The following POFUT2 variants were observed in gnomAD, a reference collection of about 807,000 sequenced individuals.
POFUT2 encodes protein O-fucosyltransferase 2, also known as GDP-fucose protein O-fucosyltransferase 2.
A neutral mutation model predicts 55.0 loss-of-function variants in POFUT2; 30 were observed. The ratio of observed to expected loss-of-function variants is 0.55; its 90% CI spans 0.41 to 0.74. The LOEUF (loss-of-function observed/expected upper bound fraction) is 0.74. Among genes scored for constraint, POFUT2 ranks in the 30% least tolerant of loss-of-function variants. The pLI is 0.00. For synonymous variants in POFUT2, 267 were observed against 231.1 expected, an observed-to-expected ratio of 1.16 and a Z score of -1.41; for missense variants, 524 against 562.6, an observed-to-expected ratio of 0.93 and a Z score of 0.69.
At chr21:45,274,789 G>C in intron 6 of POFUT2, among the ~76,000 whole-genome samples, 1 of 152,008 alleles carries the variant, frequency 6.6e-6, no homozygotes, top group Non-Finnish European at 1.5e-5. Flanking sequence ...ATCAACTCAA[G>C]GTGGATTAAA....
intron 6 of POFUT2, among the ~76,000 whole-genome samples, chr21:45,273,876 T>C (rs957027276): frequency 1.3e-4 from 20 of 152,140 alleles, no homozygotes; most frequent in African/African-American, 4.8e-4. Flanking sequence ...GGGGGAAAAG[T>C]TGAAAGCATT....
Position 45,270,896 on chromosome 21 carries a change from A to G in POFUT2, c.832-877T>C, listed in dbSNP as rs2093213772. Among the ~76,000 whole-genome samples the G allele has an allele frequency of 6.6e-6, 1 of 152,256 alleles. No individual in the cohort carries two copies. The highest frequency in any genetic ancestry group is 2.4e-5 in the African/African-American group (1 of 41,468). On this transcript the variant is annotated intron_variant, in intron 6 of 8. Coordinates refer to ENST00000349485, the MANE Select transcript of POFUT2 (RefSeq NM_133635.6). The surrounding 1 kb of genome is among the most constrained non-coding windows in gnomAD (Gnocchi z 4.6). ...CGTGGGATAAAAGAATCTGAACAGTAGCCCGTGAGTTCCAGATCTTTCCAC... is the reference window on the plus strand; with the variant it reads ...CGTGGGATAAAAGAATCTGAACAGTGGCCCGTGAGTTCCAGATCTTTCCAC...
Position 45,265,873 on chromosome 21 carries a change from C to A in POFUT2, c.1137-238G>T. On this transcript the variant is annotated intron_variant, in intron 8 of 8. Transcript: ENST00000349485. This position sits in a 1 kb window ranked among gnomAD's most constrained non-coding sequence, Gnocchi z 4.6. ...CCTGGTGCTGCAGCCCCATCCACAC[C>A]CCACAGTCAGCAGCCGCCACGCTCC... The A allele has an allele frequency of 7.3e-7, 1 of 1,366,798 alleles. No individual in the cohort carries two copies. Among genetic ancestry groups the A allele is most frequent in the South Asian group, 1.5e-5 (1 of 65,764 alleles). The allele number at this position is 1,366,798 out of a possible 1,614,324, so 84.7% of individuals were successfully genotyped here.
In POFUT2 at chr21:45,285,363, A is replaced by G. The variant is rs1455030023; in HGVS notation, c.382+315T>C. On this transcript the variant is annotated intron_variant, in intron 2 of 8. Transcript: ENST00000349485. This position sits in a 1 kb window ranked among gnomAD's most constrained non-coding sequence, Gnocchi z 4.9. ...AAACAGCCTTTCGCACAGGGAGCCG[A>G]GTCCTGTCACTATAACACCCAGGGG... is the stretch of plus-strand genomic sequence containing the variant. The G allele has an allele frequency of 2.6e-6, 1 of 391,854 alleles. No homozygotes were observed. The highest frequency in any genetic ancestry group is 4.9e-6 in the Non-Finnish European group (1 of 204,226). The allele number at this position is 391,854 out of a possible 1,614,324, so 24.3% of individuals were successfully genotyped here. A position where few individuals can be genotyped will look rare whatever the true frequency, so the allele number is the denominator to read the frequency against.
chr21:45,272,126 A>G (rs1029566258), intron 6 of POFUT2, among the ~76,000 whole-genome samples: 4 of 152,212 alleles, frequency 2.6e-5, no homozygotes, highest in South Asian at 4.1e-4. Flanking sequence ...ATGGAAAAAA[A>G]TCCACCTGAA....
chr21:45,278,632 C>T (rs746821190), intron 4 of POFUT2, among the ~76,000 whole-genome samples: 57 of 152,222 alleles, frequency 3.7e-4, no homozygotes, highest in Non-Finnish European at 7.8e-4. Flanking sequence ...GTAGAGACGC[C>T]ATTCCTGGGC....
At position 45,267,403 on chromosome 21, in the gene POFUT2, C is replaced by A. The variant is rs1297190852; in HGVS notation, c.1136+187G>T. On this transcript the variant is annotated intron_variant, in intron 8 of 8. Transcript: ENST00000349485. This position sits in a 1 kb window ranked among gnomAD's most constrained non-coding sequence, Gnocchi z 4.4. ...ATGAGAACTAAAGGGGCAAGATGAA[C>A]AATTAACTTCAGCCCAGGGAAACAC... 7 of 1,604,628 alleles carry A rather than the reference C, an allele frequency of 4.4e-6. No individual in the cohort carries two copies. The highest frequency in any genetic ancestry group is 5.1e-6 in the Non-Finnish European group (6 of 1,173,918).
In POFUT2 at chr21:45,265,591, T is replaced by C; in HGVS notation, c.1181A>G (p.His394Arg). The C allele has an allele frequency of 2.5e-6, 4 of 1,613,972 alleles. No individual in the cohort carries two copies. The highest frequency in any genetic ancestry group is 2.5e-6 in the Non-Finnish European group (3 of 1,179,974). ...TSVSTFSFRI[H>R]EEREILGLDP... ...CAACCCCAGGATTTCTCTTTCCTCA[T>C]GAATCCGAAAAGAAAATGTTGAGAC... Residue 394 changes from histidine to arginine, a missense_variant, in exon 9 of 9, where the codon CAT (histidine) becomes CGT (arginine). By Grantham distance (29) the His-to-Arg change is conservative. Coordinates refer to ENST00000349485, the MANE Select transcript of POFUT2 (RefSeq NM_133635.6). This position sits in a 1 kb window ranked among gnomAD's most constrained non-coding sequence, Gnocchi z 4.6.
chr21:45,266,247 CCA>C (rs1173778633), intron 8 of POFUT2: 6 of 1,367,582 alleles, frequency 4.4e-6, no homozygotes, highest in Non-Finnish European at 4.9e-6. Context: ...CAAGCAAACC[CCA>C]GAGATGTTTC....
At chr21:45,287,676 C>CCAACCAAACAA in intron 1 of POFUT2, 65 bp downstream of exon 1, 9 of 1,181,500 alleles carry the variant, frequency 7.6e-6, no homozygotes, top group Non-Finnish European at 1.0e-5. Flanking sequence ...GCCCCGCCCC[C>CCAACCAAACAA]ATCCCATCCT....
intron 4 of POFUT2, among the ~76,000 whole-genome samples, chr21:45,280,408 C>T (rs1417118102): frequency 2.0e-5 from 3 of 152,252 alleles, no homozygotes; most frequent in South Asian, 2.1e-4. Context: ...GAGGGGTGCA[C>T]GTGTTTTCCT....
chr21:45,278,535 C>CT (rs1425391270), intron 4 of POFUT2, among the ~76,000 whole-genome samples: 12 of 152,268 alleles, frequency 7.9e-5, no homozygotes, highest in Admixed American at 2.0e-4. Flanking sequence ...GGAAGGTTTT[C>CT]TTTGACAAAA....
chr21:45,277,309 C>G lies in POFUT2; in HGVS notation c.706-167G>C, dbSNP rs1398320999. On this transcript the variant is annotated intron_variant, in intron 5 of 8. Transcript: ENST00000349485. The surrounding 1 kb of genome is among the most constrained non-coding windows in gnomAD (Gnocchi z 6.9). ...AGCAGCGCCATCCACGGTGGAGGCT[C>G]TTGGAGGGTCTCCTGCATGAAGCCA... The G allele has an allele frequency of 1.5e-5, 13 of 865,946 alleles. No individual in the cohort carries two copies. The highest frequency in any genetic ancestry group is 1.7e-5 in the Non-Finnish European group (10 of 584,038). The allele number at this position is 865,946 out of a possible 1,614,324, so 53.6% of individuals were successfully genotyped here.
intron 8 of POFUT2, chr21:45,266,627 G>A (rs1220335946): frequency 1.9e-5 from 19 of 1,010,464 alleles, no homozygotes; most frequent in East Asian, 9.8e-5. Context: ...AGAAGTCAGC[G>A]CTGCATCCTG....
chr21:45,275,507 A>G (rs555045069), intron 6 of POFUT2, among the ~76,000 whole-genome samples: 2 of 152,378 alleles, frequency 1.3e-5, no homozygotes, highest in South Asian at 2.1e-4. Flanking sequence ...CTGCAAAAAC[A>G]TGGAACCGGC....
chr21:45,277,464 C>T lies in POFUT2; in HGVS notation c.706-322G>A. On this transcript the variant is annotated intron_variant, in intron 5 of 8. Transcript: ENST00000349485. The surrounding 1 kb of genome is among the most constrained non-coding windows in gnomAD (Gnocchi z 6.9). ...GTGTGCAGCTCCTTCCCCTCAGTCT[C>T]TCCCCAACTCGACTTCTAGCTTAGG... The T allele has an allele frequency of 2.8e-6, 1 of 356,038 alleles. No individual in the cohort carries two copies. Among genetic ancestry groups the T allele is most frequent in the Non-Finnish European group, 5.3e-6 (1 of 189,510 alleles). 22.1% of individuals were successfully genotyped at this position (356,038 alleles called of 1,614,324 possible).
rs868060626 is a variant in POFUT2, at chr21:45,264,715, G to A, written c.*767C>T. Reference sequence around the variant, plus strand: ...GGGGCGGGGCAGTCGGGGCGAGGGAGGGGTGGCCAGTGGGGGCGAGGGTGG... The same window carrying A: ...GGGGCGGGGCAGTCGGGGCGAGGGAAGGGTGGCCAGTGGGGGCGAGGGTGG... On this transcript the variant is annotated 3_prime_UTR_variant, in exon 9 of 9. Transcript: ENST00000349485. 6.6e-6 allele frequency: 1 copy of A among 151,788 alleles called. No homozygotes were observed. 9.4% of individuals were successfully genotyped at this position (151,788 alleles called of 1,614,324 possible).
In POFUT2 at chr21:45,273,283, TC is replaced by T. The variant is rs535914271; in HGVS notation, c.832-3265del. On this transcript the variant is annotated intron_variant, in intron 6 of 8. Coordinates refer to ENST00000349485, the MANE Select transcript of POFUT2 (RefSeq NM_133635.6). The stretch of plus-strand genomic sequence containing the variant: ...ACTTTTATGCGCACAAACTGGAAAA[TC>T]AAGAGGATAAATTCCTGGAAATACA... Among the ~76,000 whole-genome samples the T allele has an allele frequency of 3.4e-3, 521 of 151,884 alleles. 4 individuals carry two copies. The highest frequency in any genetic ancestry group is 0.012 in the African/African-American group (487 of 41,420).
At position 45,263,976 on chromosome 21, in the gene POFUT2, G is replaced by A. The variant is rs2093132372; in HGVS notation, c.*1506C>T. ...ATTTTTCTTAAAAAGGAAGGTACAT[G>A]GTCACAGTCCAAAATGTTTTATACA... On this transcript the variant is annotated 3_prime_UTR_variant, in exon 9 of 9. Coordinates refer to ENST00000349485, the MANE Select transcript of POFUT2 (RefSeq NM_133635.6). 1 of 152,236 alleles carries A rather than the reference G, an allele frequency of 6.6e-6. No individual in the cohort carries two copies. Among genetic ancestry groups the A allele is most frequent in the Admixed American group, 6.5e-5 (1 of 15,288 alleles). The allele number at this position is 152,236 out of a possible 1,614,324, so 9.4% of individuals were successfully genotyped here.
Sources: gnomAD v4.1 joint callset for allele counts (sites outside exome capture counted in the v4.1 genomes callset) on GRCh38, gnomAD v4.1.1 for gene constraint, Gnocchi (gnomAD v3.1) non-coding constraint, MANE v1.5 for transcripts, NCBI Gene and HGNC (gene_info 2026-07-23, HGNC 2026-07-21) for gene names.